The following NSD1 variants were observed in gnomAD, a reference collection of about 807,000 sequenced individuals.
NSD1 encodes the protein nuclear receptor binding SET domain protein 1.
In NSD1, 26 loss-of-function variants were observed where a neutral mutation model predicts 242.7. The observed-to-expected ratio is 0.11, with a 90% CI of 0.08 to 0.15. The LOEUF is 0.15. Ranked by LOEUF, NSD1 falls within the 10% of genes least tolerant of loss-of-function variation. The probability of loss-of-function intolerance (pLI) is 1.00; values close to 1 mark genes in which losing one functional copy is unlikely to be tolerated. For missense variants in NSD1, 2,495 were observed against 3,272.8 expected, an observed-to-expected ratio of 0.76 and a Z score of 5.80; for synonymous variants, 1,106 against 1,178.1, an observed-to-expected ratio of 0.94 and a Z score of 1.25.
chr5:177,204,390 G>C, intron 4 of NSD1, 98 bp downstream of exon 4: 3 of 1,179,388 alleles, frequency 2.5e-6, no homozygotes, highest in Non-Finnish European at 3.7e-6. Context: ...ACTTTGCTCT[G>C]TTTCCCAGAT....
intron 3 of NSD1, among the ~76,000 whole-genome samples, chr5:177,197,584 T>C (rs1762198922): frequency 6.6e-6 from 1 of 152,218 alleles, no homozygotes; most frequent in Admixed American, 6.5e-5. Context: ...ATGACGCCAC[T>C]GCACTCCAGC....
At chr5:177,226,637 C>T (rs984118642) in intron 5 of NSD1, among the ~76,000 whole-genome samples, 3 of 152,112 alleles carry the variant, frequency 2.0e-5, no homozygotes, top group African/African-American at 7.2e-5. Flanking sequence ...TTTGGTTTGT[C>T]TTTGGCGATA....
At chr5:177,206,439 A>G (rs1762872774) in intron 4 of NSD1, among the ~76,000 whole-genome samples, 1 of 152,142 alleles carries the variant, frequency 6.6e-6, no homozygotes, top group Non-Finnish European at 1.5e-5. Flanking sequence ...CATGCTGGCA[A>G]TACTTGTAGA....
chr5:177,291,322 A>G (rs1344200555), intron 21 of NSD1, among the ~76,000 whole-genome samples: 1 of 152,236 alleles, frequency 6.6e-6, no homozygotes, highest in African/African-American at 2.4e-5. Context: ...GTACCCACAC[A>G]CAGAAGTCTA....
intron 2 of NSD1, among the ~76,000 whole-genome samples, chr5:177,159,025 TG>T (rs1562132552): frequency 9.8e-6 from 1 of 102,530 alleles, no homozygotes; most frequent in African/African-American, 4.3e-5. Context: ...TATATATATA[TG>T]AATGATATAT....
intron 14 of NSD1, chr5:177,266,757 C>T (rs1757515910): frequency 7.9e-6 from 2 of 254,358 alleles, no homozygotes; most frequent in Non-Finnish European, 7.5e-6. Flanking sequence ...ATGTTTGAGT[C>T]TAGCATGTTT....
intron 2 of NSD1, among the ~76,000 whole-genome samples, chr5:177,180,732 G>A (rs1225423559): frequency 6.6e-6 from 1 of 151,894 alleles, no homozygotes; most frequent in Non-Finnish European, 1.5e-5. Flanking sequence ...GCCCAGGCTA[G>A]AGTGCAGTGA....
At chr5:177,273,143 T>A (rs1758075221) in intron 16 of NSD1, among the ~76,000 whole-genome samples, 1 of 152,010 alleles carries the variant, frequency 6.6e-6, no homozygotes, top group South Asian at 2.1e-4. Context: ...AGATGAAGCG[T>A]AGTTGTTAGG....
At chr5:177,265,915 G>A (rs780574437) in intron 14 of NSD1, 62 of 1,449,450 alleles carry the variant, frequency 4.3e-5, no homozygotes, top group Non-Finnish European at 5.8e-5. Flanking sequence ...CCACCTTGAC[G>A]GTGTAGATGT....
intron 5 of NSD1, among the ~76,000 whole-genome samples, chr5:177,213,412 A>G (rs1021709971): frequency 1.3e-5 from 2 of 152,162 alleles, no homozygotes; most frequent in African/African-American, 4.8e-5. Flanking sequence ...ATTGTGGAAT[A>G]TTTGCATCAT....
chr5:177,236,939 C>G (rs1372637738), intron 6 of NSD1, among the ~76,000 whole-genome samples: 4 of 152,192 alleles, frequency 2.6e-5, no homozygotes, highest in Non-Finnish European at 1.5e-5. Context: ...TGGGTTTAAG[C>G]AATGTTTCCG....
chr5:177,172,176 C>G (rs1759767105), intron 2 of NSD1, among the ~76,000 whole-genome samples: 1 of 152,202 alleles, frequency 6.6e-6, no homozygotes, highest in Non-Finnish European at 1.5e-5. Flanking sequence ...TCTGATGTCA[C>G]TATAAACACT....
rs769220273 is a variant in NSD1, at chr5:177,238,192, C to A, written c.3922-45C>A. On this transcript the variant is annotated intron_variant, in intron 6 of 22. Coordinates refer to ENST00000439151, the MANE Select transcript of NSD1 (RefSeq NM_022455.5). This position sits in a 1 kb window ranked among gnomAD's most constrained non-coding sequence, Gnocchi z 4.6. ...GTTATTCTTTTTGACACTTAAATTA[C>A]AACAATTTTGGCCTGTGGACTCTAT... 151 of 1,607,772 alleles carry A rather than the reference C, an allele frequency of 9.4e-5. No homozygotes were observed. Among genetic ancestry groups the A allele is most frequent in the Non-Finnish European group, 5.8e-5 (68 of 1,174,612 alleles).
chr5:177,167,584 T>A (rs538422465), intron 2 of NSD1, among the ~76,000 whole-genome samples: 1 of 152,308 alleles, frequency 6.6e-6, no homozygotes, highest in East Asian at 1.9e-4. Context: ...AGTTTTAATT[T>A]TATTCCATTG....
In NSD1 at chr5:177,146,736, G is replaced by A. The variant is rs530175215; in HGVS notation, c.927+10706G>A. Among the ~76,000 whole-genome samples, 190 of 151,986 alleles carry A rather than the reference G, an allele frequency of 1.3e-3. 1 individual carries two copies. Among genetic ancestry groups the A allele is most frequent in the Non-Finnish European group, 2.2e-3 (147 of 67,988 alleles). On this transcript the variant is annotated intron_variant, in intron 2 of 22. Coordinates refer to ENST00000439151, the MANE Select transcript of NSD1 (RefSeq NM_022455.5). ...TTCTAAATGTTCGCTGGGTGCAGTGGCTCATGCCTGTAATCCCAGCACTTT... is the reference window on the plus strand; with the variant it reads ...TTCTAAATGTTCGCTGGGTGCAGTGACTCATGCCTGTAATCCCAGCACTTT...
At position 177,159,645 on chromosome 5, in the gene NSD1, G is replaced by A. The variant is rs1222022018; in HGVS notation, c.927+23615G>A. Among the ~76,000 whole-genome samples the A allele has an allele frequency of 3.3e-5, 5 of 150,270 alleles. No individual in the cohort carries two copies. In the East Asian group the frequency reaches 9.7e-4, roughly 29 times the overall value. On this transcript the variant is annotated intron_variant, in intron 2 of 22. Coordinates refer to ENST00000439151, the MANE Select transcript of NSD1 (RefSeq NM_022455.5). Reference sequence around the variant, plus strand: ...AGTTTCGCTCTTGTTGCCCAGGCTGGAGTGCAATGGTGCGATCTTGGCTAA... The same window carrying A: ...AGTTTCGCTCTTGTTGCCCAGGCTGAAGTGCAATGGTGCGATCTTGGCTAA...
chr5:177,175,938 C>T (rs1760159337), intron 2 of NSD1, among the ~76,000 whole-genome samples: 2 of 151,460 alleles, frequency 1.3e-5, no homozygotes, highest in Non-Finnish European at 2.9e-5. Flanking sequence ...TGCAGTGGCG[C>T]CATCTCGGCT....
intron 2 of NSD1, among the ~76,000 whole-genome samples, chr5:177,154,256 C>T (rs779191166): frequency 2.0e-5 from 3 of 151,944 alleles, no homozygotes; most frequent in Non-Finnish European, 2.9e-5. Flanking sequence ...GATGTGTATT[C>T]TATTGGCTGG....
upstream of NSD1, among the ~76,000 whole-genome samples, chr5:177,132,752 C>G (rs1755962199): frequency 6.7e-6 from 1 of 149,096 alleles, no homozygotes; most frequent in East Asian, 2.0e-4. The surrounding 1 kb of genome is among the most constrained non-coding windows in gnomAD (Gnocchi z 7.5). Context: ...TAACCCGACC[C>G]GGCTCCCCAG....
Sources: gnomAD v4.1 joint callset for allele counts (sites outside exome capture counted in the v4.1 genomes callset) on GRCh38, gnomAD v4.1.1 for gene constraint, Gnocchi (gnomAD v3.1) non-coding constraint, MANE v1.5 for transcripts, NCBI Gene and HGNC (gene_info 2026-07-23, HGNC 2026-07-21) for gene names.